The following PCSK4 variants were observed in gnomAD, a reference collection of about 807,000 sequenced individuals.
PCSK4 encodes proprotein convertase subtilisin/kexin type 4, also known as testicular tissue protein Li 135.
PCSK4 carries 64 observed loss-of-function variants against 80.3 expected under a neutral mutation model. That is an observed-to-expected ratio of 0.80 (90% CI 0.65 to 0.98). The LOEUF (loss-of-function observed/expected upper bound fraction) is 0.98, where lower values mean the gene tolerates loss of function less well. PCSK4 is among the 50% of genes least tolerant of loss of function. PCSK4 has a pLI of 0.00. For missense variants in PCSK4, 1,213 were observed against 1,093.6 expected (o/e 1.11, Z -1.54); for synonymous variants, 561 against 487.6 (o/e 1.15, Z -1.98).
At position 1,488,258 on chromosome 19, in the gene PCSK4, G is replaced by A. The variant is rs201062252; in HGVS notation, c.317C>T (p.Thr106Met). ...AGAGCGTTTCACCCGCCGCTGCAGC[G>A]TCTGCTGCTGGAACCACTGCACCTG... Residue 106 changes from threonine to methionine, a missense_variant, in exon 3 of 15, where the codon ACG becomes ATG. Thr to Met is a moderately conservative substitution (Grantham distance 81, BLOSUM62 -1). Coordinates refer to ENST00000300954, the Ensembl canonical transcript of PCSK4. The A allele has an allele frequency of 1.8e-4, 290 of 1,613,156 alleles. 1 individual carries two copies. The highest frequency in any genetic ancestry group is 4.8e-4 in the African/African-American group (36 of 75,032).
chr19:1,489,712 C>T (rs562691710), intron 2 of PCSK4, 81 bp downstream of exon 2: 11 of 1,534,260 alleles, frequency 7.2e-6, no homozygotes, highest in Middle Eastern at 1.7e-4. Flanking sequence ...ATAACAACCA[C>T]GAGAACCACA....
At chr19:1,490,665 T>C (rs67782512), upstream of PCSK4, 24,226 of 341,992 alleles carry the variant, frequency 0.071, 2,269 homozygotes, top group African/African-American at 0.29. Flanking sequence ...TCTCCCACTT[T>C]CCAACACACC....
At chr19:1,483,656 C>A (rs762489541) in exon 11 of PCSK4, 2 of 1,586,506 alleles carry the variant, frequency 1.3e-6, no homozygotes, top group Non-Finnish European at 1.7e-6. Context: ...TCACGTGGGG[C>A]GGCTCTGGAC....
At chr19:1,488,150 G>C (rs769801847) in intron 3 of PCSK4, 38 bp downstream of exon 3, 1 of 1,613,156 alleles carries the variant, frequency 6.2e-7, no homozygotes, top group East Asian at 2.2e-5. Context: ...GGCGCCAGCG[G>C]CCCCGTCCCC....
chr19:1,483,919 T>C (rs1052563879), exon 10 of PCSK4: 18 of 1,480,832 alleles, frequency 1.2e-5, no homozygotes, highest in African/African-American at 2.9e-5. Context: ...AGGTGCTGCA[T>C]GTCTCTCCAC....
intron 13 of PCSK4, 151 bp downstream of exon 13, chr19:1,482,745 C>T (rs562995417): frequency 3.6e-5 from 31 of 851,712 alleles, no homozygotes; most frequent in Admixed American, 1.7e-4. Context: ...CACCATCTCC[C>T]GGGTGACTGC....
exon 15 of PCSK4, chr19:1,481,753 A>G: frequency 1.3e-6 from 2 of 1,503,018 alleles, no homozygotes; most frequent in Non-Finnish European, 1.8e-6. Flanking sequence ...TTCTGAGCTG[A>G]CAACTTCAGG....
intron 2 of PCSK4, among the ~76,000 whole-genome samples, chr19:1,488,773 G>T (rs553256601): frequency 1.3e-5 from 2 of 152,136 alleles, no homozygotes; most frequent in African/African-American, 4.8e-5. Context: ...TAGAGATGGG[G>T]TTTCGCCATG....
intron 11 of PCSK4, 38 bp from the exon 12 acceptor site, chr19:1,483,501 G>C: frequency 6.8e-7 from 1 of 1,469,770 alleles, no homozygotes; most frequent in Non-Finnish European, 9.2e-7. Context: ...CCTGCGGCCT[G>C]CTGGGGGGTG....
rs141663994 is a variant in PCSK4, at chr19:1,483,327, G to C, written c.1528C>G (p.Leu510Val). 170 of 1,609,532 alleles carry C rather than the reference G, an allele frequency of 1.1e-4. 1 individual carries two copies. In the African/African-American group the frequency reaches 2.2e-3, roughly 21 times the overall value. ...GAGCGCGTGCCCATGGGGCTGGTGA[G>C]CGAGATCTCCAGGTCTCCGCGCCGG... Residue 510 changes from leucine to valine, a missense_variant, in exon 12 of 15, where the codon CTC (leucine) becomes GTC (valine). Leu to Val is a conservative substitution (Grantham distance 32, BLOSUM62 1). Coordinates refer to ENST00000300954, the Ensembl canonical transcript of PCSK4.
exon 14 of PCSK4, chr19:1,482,391 C>T: frequency 6.3e-7 from 1 of 1,577,424 alleles, no homozygotes; most frequent in Non-Finnish European, 8.6e-7. Context: ...CACACACGCG[C>T]TGCTGGTCAC....
At position 1,487,940 on chromosome 19, in the gene PCSK4, G is replaced by A. The variant is rs377509593; in HGVS notation, c.516+24C>T. 93 of 1,597,578 alleles carry A rather than the reference G, an allele frequency of 5.8e-5. No homozygotes were observed. Among genetic ancestry groups the A allele is most frequent in the Middle Eastern group, 1.7e-4 (1 of 6,024 alleles). Reference sequence around the variant, plus strand: ...AGCCTCGGCACCTGGGGCAGCCCTCGCCCACAGCCACCCGCGGTCTCACGT... The same window carrying A: ...AGCCTCGGCACCTGGGGCAGCCCTCACCCACAGCCACCCGCGGTCTCACGT... On this transcript the variant is annotated intron_variant, in intron 4 of 14. Coordinates refer to ENST00000300954, the Ensembl canonical transcript of PCSK4.
exon 9 of PCSK4, chr19:1,484,040 C>T (rs763260265): frequency 6.5e-7 from 1 of 1,550,328 alleles, no homozygotes; most frequent in Non-Finnish European, 8.7e-7. Flanking sequence ...GCCTCCAGCG[C>T]TAGGGCGATC....
intron 13 of PCSK4, 188 bp from the exon 14 acceptor site, chr19:1,482,663 C>A: frequency 1.2e-6 from 1 of 801,846 alleles, no homozygotes; most frequent in Non-Finnish European, 1.9e-6. Flanking sequence ...GACTGCACAC[C>A]TACTGTGCGC....
At chr19:1,483,900 C>T (rs1429456314) in exon 10 of PCSK4, 11 of 1,489,602 alleles carry the variant, frequency 7.4e-6, no homozygotes, top group Non-Finnish European at 9.8e-6. Context: ...CTTGGACGCG[C>T]GGACCACCAG....
At position 1,483,879 on chromosome 19, in the gene PCSK4, AG is replaced by A. The variant is rs1231646487; in HGVS notation, c.1231del (p.Leu411CysfsTer15). 14 of 1,494,762 alleles carry A rather than the reference AG, an allele frequency of 9.4e-6. No individual in the cohort carries two copies. In the Admixed American group the frequency reaches 2.2e-4, roughly 24 times the overall value. 92.6% of individuals were successfully genotyped at this position (1,494,762 alleles called of 1,614,324 possible). A position where few individuals can be genotyped will look rare whatever the true frequency, so the allele number is the denominator to read the frequency against. On this transcript the variant is annotated frameshift_variant, in exon 10 of 15. Coordinates refer to ENST00000300954, the Ensembl canonical transcript of PCSK4. LOFTEE classifies it high-confidence loss of function. ...GTTGGTCCTCCAGTCCTCGGCCTGC[AG>A]GTGCGCCGGCTTGGACGCGCGGACC...
At chr19:1,484,304 A>G (rs1862707052) in intron 8 of PCSK4, among the ~76,000 whole-genome samples, 177 bp from the exon 9 acceptor site, 2 of 151,940 alleles carry the variant, frequency 1.3e-5, no homozygotes, top group Admixed American at 1.3e-4. Context: ...CCTGGTCAAC[A>G]TAGTGAAACC....
exon 9 of PCSK4, chr19:1,484,057 G>C: frequency 6.4e-7 from 1 of 1,559,596 alleles, no homozygotes. Flanking sequence ...GATCATGCCG[G>C]CCGCCAGTGG....
chr19:1,483,503 T>C, intron 11 of PCSK4, 40 bp from the exon 12 acceptor site: 1 of 494,138 alleles, frequency 2.0e-6, no homozygotes, highest in South Asian at 3.4e-5. Context: ...TGCGGCCTGC[T>C]GGGGGGTGGG....
Sources: allele counts gnomAD v4.1 joint callset (sites outside exome capture counted in the v4.1 genomes callset), GRCh38; gene constraint gnomAD v4.1.1; transcripts MANE v1.5; gene names NCBI Gene and HGNC (gene_info 2026-07-23, HGNC 2026-07-21).